The following CD163 variants were observed in gnomAD, a reference collection of about 807,000 sequenced individuals.
The protein encoded by CD163 is CD163 molecule.
Under a neutral mutation model 129.2 loss-of-function variants are expected in CD163, and 64 were observed. That is an observed-to-expected ratio of 0.50 (90% CI 0.41 to 0.61). The LOEUF is 0.61. CD163 is among the 20% of genes least tolerant of loss of function. CD163 has a pLI of 0.00. For missense variants in CD163, 1,061 were observed against 1,377.9 expected, an observed-to-expected ratio of 0.77 and a Z score of 3.64; for synonymous variants, 446 against 478.5, an observed-to-expected ratio of 0.93 and a Z score of 0.89.
At chr12:7,483,982 A>T (rs1409016198) in intron 11 of CD163, among the ~76,000 whole-genome samples, 1 of 150,334 alleles carries the variant, frequency 6.7e-6, no homozygotes, top group African/African-American at 2.4e-5. Context: ...CTGGGACTAC[A>T]GGCGCCCACC....
intron 16 of CD163, among the ~76,000 whole-genome samples, chr12:7,475,097 CAAAAAAAA>C (rs58901449): frequency 1.1e-5 from 1 of 94,020 alleles, no homozygotes; most frequent in East Asian, 3.1e-4. Context: ...GCCTACCAAC[CAAAAAAAA>C]AAAAAAAAAA....
At position 7,500,421 on chromosome 12, in the gene CD163, CAAAAAA is replaced by C. The variant is rs71953455; in HGVS notation, c.457+712_457+717del. Among the ~76,000 whole-genome samples the C allele has an allele frequency of 1.0e-3, 66 of 64,116 alleles. 1 individual carries two copies. The highest frequency in any genetic ancestry group is 3.2e-3 in the African/African-American group (63 of 19,616). 42.1% of individuals were successfully genotyped at this position (64,116 alleles called of 152,430 possible). A position where few individuals can be genotyped will look rare whatever the true frequency, so the allele number is the denominator to read the frequency against. On this transcript the variant is annotated intron_variant, in intron 3 of 16. Coordinates refer to ENST00000432237, the MANE Select transcript of CD163 (RefSeq NM_203416.4). The stretch of plus-strand genomic sequence containing the variant: ...GGGGGACAAGAGCGACAATTCGTCC[CAAAAAA>C]AAAAAAAAAAAAAAGGAATGAAACA...
rs1167650066 is a variant in CD163, at chr12:7,487,704, A to G, written c.1736-31T>C. On this transcript the variant is annotated intron_variant, in intron 7 of 16. Transcript: ENST00000432237. This position sits in a 1 kb window ranked among gnomAD's most constrained non-coding sequence, Gnocchi z 5.1. ...AGGAGACAGGGCTTTAGAAAAAGAC[A>G]GCTATGACTCCCTAACCCTGTCCCT... is the stretch of plus-strand genomic sequence containing the variant. The G allele has an allele frequency of 2.5e-6, 4 of 1,614,170 alleles. No homozygotes were observed. The highest frequency in any genetic ancestry group is 3.4e-6 in the Non-Finnish European group (4 of 1,180,026).
intron 3 of CD163, 83 bp from the exon 4 acceptor site, chr12:7,499,271 GGATT>G: frequency 8.3e-7 from 1 of 1,210,970 alleles, no homozygotes. Context: ...TGGACACTTG[GGATT>G]TTATGTTGTC....
rs936825584 is a variant in CD163 at position 7,502,543 on chromosome 12, T to C, written c.68A>G (p.Asn23Ser). The change falls in exon 2 of 17, where the codon AAC becomes AGC. Residue 23 changes from asparagine to serine, a missense_variant. Asn to Ser is a conservative substitution (Grantham distance 46). Transcript: ENST00000432237. ...CACAGTAATGGTGAAGGGACTCAAGTTGACAAAATGTCTTCTGAAGTCTGT... is the reference window on the plus strand; with the variant it reads ...CACAGTAATGGTGAAGGGACTCAAGCTGACAAAATGTCTTCTGAAGTCTGT... ...GSADFRRHFV[N>S]LSPFTITVVL... 3 of 1,578,266 alleles carry C rather than the reference T, an allele frequency of 1.9e-6. No homozygotes were observed. The highest frequency in any genetic ancestry group is 2.7e-5 in the African/African-American group (2 of 74,198).
At chr12:7,495,498 T>A in intron 5 of CD163, 97 bp from the exon 6 acceptor site, 1 of 1,010,358 alleles carries the variant, frequency 9.9e-7, no homozygotes, top group Non-Finnish European at 1.5e-6. Context: ...ACTGATGCAT[T>A]GAAAATTATA....
chr12:7,485,368 G>A lies in CD163; in HGVS notation c.2507C>T (p.Ala836Val), dbSNP rs1447898225. 16 of 1,614,052 alleles carry A rather than the reference G, an allele frequency of 9.9e-6. No individual in the cohort carries two copies. The highest frequency in any genetic ancestry group is 1.3e-5 in the Non-Finnish European group (15 of 1,180,022). ...ATTGTAAAAAACTTCCAGACGCCCT[G>A]CACAGGCCTCTCTGCTGGCTTCACT... ...LTSEASREACAGRLEVFYNGA... is the reference protein window; with the variant it reads ...LTSEASREACVGRLEVFYNGA... The change falls in exon 11 of 17, where the codon GCA becomes GTA. Residue 836 changes from alanine (A) to valine (V), a missense_variant. By Grantham distance (64) the Ala-to-Val change is moderately conservative. Transcript: ENST00000432237. This position sits in a 1 kb window ranked among gnomAD's most constrained non-coding sequence, Gnocchi z 4.5.
intron 6 of CD163, among the ~76,000 whole-genome samples, chr12:7,494,203 CT>C (rs1403722505): frequency 6.6e-6 from 1 of 152,120 alleles, no homozygotes; most frequent in African/African-American, 2.4e-5. Flanking sequence ...AGAGTTTACA[CT>C]TTTTTATTTT....
At chr12:7,500,169 C>T (rs1047381128) in intron 3 of CD163, among the ~76,000 whole-genome samples, 1 of 151,296 alleles carries the variant, frequency 6.6e-6, no homozygotes, top group African/African-American at 2.4e-5. Context: ...ACCTGTAATC[C>T]CAGGATTTTG....
rs1308061789 is a variant in CD163 at position 7,471,011 on chromosome 12, A to C, written c.*418T>G. On this transcript the variant is annotated 3_prime_UTR_variant, in exon 17 of 17. Transcript: ENST00000432237. ...AAATTTATTTTTATTTGGTAATAGG[A>C]AAATTATTCAAACCAAATAAGAAAA... The C allele has an allele frequency of 1.3e-5, 2 of 152,124 alleles. No individual in the cohort carries two copies. Among genetic ancestry groups the C allele is most frequent in the Non-Finnish European group, 2.9e-5 (2 of 68,006 alleles). The allele number at this position is 152,124 out of a possible 1,614,324, so 9.4% of individuals were successfully genotyped here. A position where few individuals can be genotyped will look rare whatever the true frequency, so the allele number is the denominator to read the frequency against.
intron 6 of CD163, among the ~76,000 whole-genome samples, chr12:7,493,381 C>G (rs997958402): frequency 3.3e-5 from 5 of 152,174 alleles, no homozygotes; most frequent in Non-Finnish European, 7.3e-5. Flanking sequence ...ACTCACTGAG[C>G]TGCGGGGTGG....
chr12:7,477,502 C>T (rs1290884485), intron 16 of CD163, among the ~76,000 whole-genome samples: 4 of 152,014 alleles, frequency 2.6e-5, no homozygotes, highest in Non-Finnish European at 5.9e-5. Context: ...AACCAAACAC[C>T]GCATGTTCTC....
rs116694962 is a variant in CD163, at chr12:7,498,800, C to G, written c.778+68G>C. 1,134 of 1,421,966 alleles carry G rather than the reference C, an allele frequency of 8.0e-4. 7 individuals are homozygous for G. In the African/African-American group the frequency reaches 0.015, roughly 18 times the overall value. 88.1% of individuals were successfully genotyped at this position (1,421,966 alleles called of 1,614,324 possible). On this transcript the variant is annotated intron_variant, in intron 4 of 16. Coordinates refer to ENST00000432237, the MANE Select transcript of CD163 (RefSeq NM_203416.4). ...CATTATGTTCTTAAGAGTTCAGGCT[C>G]TTAAGATTTATTACCCCTTTCTTTT...
chr12:7,481,646 C>T (rs1369512865), intron 14 of CD163, among the ~76,000 whole-genome samples: 1 of 152,086 alleles, frequency 6.6e-6, no homozygotes, highest in Admixed American at 6.6e-5. Flanking sequence ...GTCAAGTGGT[C>T]CTCCTTCAAT....
At chr12:7,478,525 G>C (rs1460435356) in intron 16 of CD163, among the ~76,000 whole-genome samples, 2 of 152,016 alleles carry the variant, frequency 1.3e-5, no homozygotes, top group African/African-American at 2.4e-5. Flanking sequence ...TTATCTATTA[G>C]ATGTTACACA....
chr12:7,489,686 A>G (rs1387984350), intron 6 of CD163, among the ~76,000 whole-genome samples: 1 of 152,074 alleles, frequency 6.6e-6, no homozygotes, highest in Non-Finnish European at 1.5e-5. Context: ...TTTATAGCTC[A>G]CTGTGTAATT....
At position 7,478,890 on chromosome 12, in the gene CD163, A is replaced by C. The variant is rs573445787; in HGVS notation, c.*31+970T>G. On this transcript the variant is annotated intron_variant, in intron 16 of 16. Coordinates refer to ENST00000432237, the MANE Select transcript of CD163 (RefSeq NM_203416.4). ...TAGATGTAGTCTTCCCCAAATTATT[A>C]TTTTAAAAACAGAAAATGTATCTAG... Among the ~76,000 whole-genome samples the C allele has an allele frequency of 8.5e-5, 13 of 152,200 alleles. No homozygotes were observed. The South Asian group carries it at 2.3e-3, about 27-fold the overall frequency.
chr12:7,503,558 A>G, intron 1 of CD163, 87 bp downstream of exon 1: 1 of 862,450 alleles, frequency 1.2e-6, no homozygotes, highest in Non-Finnish European at 1.9e-6. Context: ...TCCTGATGCC[A>G]ATCACTTTTA....
In CD163 at chr12:7,495,117, A is replaced by C. The variant is rs746765003; in HGVS notation, c.1384T>G (p.Cys462Gly). ...ATTTTGGCTTCTTCATAGTGATCAC[A>C]GGTAAGTCCACCCCATTGCCAGTTC... ...CKNWQWGGLT[C>G]DHYEEAKITC... Residue 462 changes from cysteine to glycine, a missense_variant, in exon 6 of 17, where the codon TGT becomes GGT. Transcript: ENST00000432237. 3.1e-6 allele frequency: 5 copies of C among 1,614,066 alleles called. No individual in the cohort carries two copies. The highest frequency in any genetic ancestry group is 4.2e-6 in the Non-Finnish European group (5 of 1,180,000).
Sources: gnomAD v4.1 joint callset for allele counts (sites outside exome capture counted in the v4.1 genomes callset) on GRCh38, gnomAD v4.1.1 for gene constraint, Gnocchi (gnomAD v3.1) non-coding constraint, MANE v1.5 for transcripts, NCBI Gene and HGNC (gene_info 2026-07-23, HGNC 2026-07-21) for gene names.